ANKFN1: variants seen among roughly 807,000 people sequenced by gnomAD.
ANKFN1 encodes the protein ankyrin repeat and fibronectin type III domain containing 1, also known as ankyrin repeat and fibronectin type-III domain-containing protein 1.
Under a neutral mutation model 108.7 loss-of-function variants are expected in ANKFN1, and 74 were observed. The ratio of observed to expected loss-of-function variants is 0.68; its 90% confidence interval spans 0.56 to 0.83. ANKFN1 has a LOEUF of 0.83. Among genes scored for constraint, ANKFN1 ranks in the 40% least tolerant of loss-of-function variants. ANKFN1 has a pLI of 0.00. For synonymous variants in ANKFN1, 547 were observed against 516.2 expected (o/e 1.06, Z -0.81); for missense variants, 1,505 against 1,382.3 (o/e 1.09, Z -1.41).
At chr17:56,241,765 A>G (rs943901580) in intron 3 of ANKFN1, among the ~76,000 whole-genome samples, 2 of 152,144 alleles carry the variant, frequency 1.3e-5, no homozygotes, top group Admixed American at 6.6e-5. Flanking sequence ...ACAATATGCC[A>G]CTATCACTAG....
intron 14 of ANKFN1, among the ~76,000 whole-genome samples, chr17:56,460,483 C>A (rs755002423): frequency 6.8e-6 from 1 of 146,514 alleles, no homozygotes; most frequent in Non-Finnish European, 1.5e-5. Context: ...AAAATAAAAC[C>A]TTCTTCATTC....
chr17:56,457,447 A>G lies in ANKFN1; in HGVS notation c.1440+58A>G, dbSNP rs959010407. 2.1e-5 allele frequency: 31 copies of G among 1,498,620 alleles called. No individual in the cohort carries two copies. The Middle Eastern group carries it at 1.5e-3, about 71-fold the overall frequency. The allele number at this position is 1,498,620 out of a possible 1,614,324, so 92.8% of individuals were successfully genotyped here. A position where few individuals can be genotyped will look rare whatever the true frequency, so the allele number is the denominator to read the frequency against. On this transcript the variant is annotated intron_variant, in intron 13 of 20. Coordinates refer to ENST00000682825, the MANE Select transcript of ANKFN1 (RefSeq NM_001370326.1). The stretch of plus-strand genomic sequence containing the variant: ...TTTGTACCAATGTTACTGCACAAAA[A>G]TCTCTGAAACATTAGTTGAGGGGTC...
chr17:56,271,701 C>G (rs2043798952), intron 3 of ANKFN1, among the ~76,000 whole-genome samples: 1 of 152,074 alleles, frequency 6.6e-6, no homozygotes, highest in Non-Finnish European at 1.5e-5. Flanking sequence ...GACCCAAACC[C>G]TTGGAATATT....
At chr17:56,080,600 A>T (rs943843225) in intron 4 of ANKFN1, among the ~76,000 whole-genome samples, 1 of 152,174 alleles carries the variant, frequency 6.6e-6, no homozygotes, top group Non-Finnish European at 1.5e-5. Flanking sequence ...AATCCTCCCT[A>T]TACTCCTAAG....
chr17:56,397,514 CT>C (rs1364667336), intron 8 of ANKFN1, among the ~76,000 whole-genome samples: 1 of 152,190 alleles, frequency 6.6e-6, no homozygotes, highest in Non-Finnish European at 1.5e-5. Context: ...TCTTCAGACT[CT>C]TTACTACAAT....
intron 4 of ANKFN1, among the ~76,000 whole-genome samples, chr17:56,088,959 CA>C (rs1487737823): frequency 3.3e-5 from 5 of 151,184 alleles, no homozygotes; most frequent in Non-Finnish European, 3.0e-5. Flanking sequence ...GGAGGGTGGC[CA>C]CAGCCAGTTG....
At chr17:56,341,994 G>T (rs1457747300) in intron 4 of ANKFN1, among the ~76,000 whole-genome samples, 2 of 151,884 alleles carry the variant, frequency 1.3e-5, no homozygotes, top group East Asian at 3.9e-4. Context: ...CTCATTATTG[G>T]CCTCTTCAGG....
At chr17:56,457,138 A>T in intron 12 of ANKFN1, 119 bp from the exon 13 acceptor site, 1 of 1,161,108 alleles carries the variant, frequency 8.6e-7, no homozygotes, top group South Asian at 1.6e-5. Context: ...TAGTGAACTT[A>T]TGATACTTAG....
chr17:56,092,472 C>T (rs1011423827), intron 4 of ANKFN1, among the ~76,000 whole-genome samples: 4 of 150,790 alleles, frequency 2.7e-5, no homozygotes, highest in Non-Finnish European at 4.4e-5. Context: ...GACAGGTTTT[C>T]ACTGTGTTAG....
At chr17:56,334,603 CT>C (rs1249152845) in intron 4 of ANKFN1, among the ~76,000 whole-genome samples, 3 of 151,956 alleles carry the variant, frequency 2.0e-5, no homozygotes, top group Non-Finnish European at 4.4e-5. Flanking sequence ...TCTGATATCC[CT>C]TTTTGGACAA....
At chr17:56,203,478 C>T (rs751737920) in intron 1 of ANKFN1, among the ~76,000 whole-genome samples, 27 of 152,214 alleles carry the variant, frequency 1.8e-4, no homozygotes, top group Non-Finnish European at 3.5e-4. Context: ...ATCTCCGTGG[C>T]CAGTCTCCAA....
At chr17:56,327,570 C>T (rs956116974) in intron 4 of ANKFN1, among the ~76,000 whole-genome samples, 2 of 152,132 alleles carry the variant, frequency 1.3e-5, no homozygotes, top group African/African-American at 4.8e-5. Context: ...TCACAAGAGC[C>T]AAGGTCATTC....
At chr17:56,467,791 G>GAAAAA (rs11414270) in intron 15 of ANKFN1, among the ~76,000 whole-genome samples, 1 of 55,024 alleles carries the variant, frequency 1.8e-5, no homozygotes, top group African/African-American at 5.4e-5. Context: ...AAGAAAGAAA[G>GAAAAA]AAGAAAGAAA....
chr17:56,129,914 A>G (rs1391355008), intron 4 of ANKFN1, among the ~76,000 whole-genome samples: 1 of 152,234 alleles, frequency 6.6e-6, no homozygotes, highest in Non-Finnish European at 1.5e-5. Flanking sequence ...TCCCTGTTTC[A>G]AGATATTTGC....
rs397713657 is a variant in ANKFN1, at chr17:56,456,401, CTTTTTTT to C, written c.1208-446_1208-440del. On this transcript the variant is annotated intron_variant, in intron 11 of 20. Coordinates refer to ENST00000682825, the MANE Select transcript of ANKFN1 (RefSeq NM_001370326.1). ...AAGATACCAGAGCTTCTTTTTTTCT[CTTTTTTT>C]TTTTTTTTTTTTTGATACGGATTCT... Among the ~76,000 whole-genome samples, 206 of 115,482 alleles carry C rather than the reference CTTTTTTT, an allele frequency of 1.8e-3. 4 individuals are homozygous for C. Among genetic ancestry groups the C allele is most frequent in the East Asian group, 0.016 (62 of 3,898 alleles). 75.8% of individuals were successfully genotyped at this position (115,482 alleles called of 152,430 possible). A position where few individuals can be genotyped will look rare whatever the true frequency, so the allele number is the denominator to read the frequency against.
chr17:56,211,904 T>G (rs1915044364), intron 1 of ANKFN1, among the ~76,000 whole-genome samples: 1 of 152,210 alleles, frequency 6.6e-6, no homozygotes, highest in African/African-American at 2.4e-5. Flanking sequence ...CTCGGCTTGG[T>G]CGCTCTTGGT....
intron 3 of ANKFN1, among the ~76,000 whole-genome samples, chr17:56,292,465 G>A (rs1441543447): frequency 6.6e-6 from 1 of 152,164 alleles, no homozygotes; most frequent in Non-Finnish European, 1.5e-5. Context: ...CCAGAATCAA[G>A]AAGAAATCTC....
chr17:56,123,795 TTGTGTGTGTG>T (rs58283151), intron 4 of ANKFN1, among the ~76,000 whole-genome samples: 6 of 144,708 alleles, frequency 4.1e-5, no homozygotes, highest in East Asian at 2.1e-4. Context: ...GCATGACTGA[TTGTGTGTGTG>T]TGTGTGTGTG....
intron 3 of ANKFN1, among the ~76,000 whole-genome samples, chr17:56,280,254 A>G (rs923969605): frequency 6.6e-6 from 1 of 152,088 alleles, no homozygotes; most frequent in African/African-American, 2.4e-5. Context: ...GAGATTAGCA[A>G]TTGAATCAGT....
Sources: gnomAD v4.1 joint callset for allele counts (sites outside exome capture counted in the v4.1 genomes callset) on GRCh38, gnomAD v4.1.1 for gene constraint, MANE v1.5 for transcripts, NCBI Gene and HGNC (gene_info 2026-07-23, HGNC 2026-07-21) for gene names.